PGPEP1L: variants seen among roughly 807,000 people sequenced by gnomAD.
PGPEP1L encodes pyroglutamyl-peptidase 1-like protein.
Under a neutral mutation model 6.0 loss-of-function variants are expected in PGPEP1L, and 7 were observed. The observed-to-expected ratio is 1.17, with a 90% CI of 0.66 to 2.19. The LOEUF is 2.19. Ranked by LOEUF, PGPEP1L falls within the 30% of genes most tolerant of loss-of-function variation. The pLI, the probability that PGPEP1L is intolerant of heterozygous loss-of-function variation, is 0.00. For synonymous variants in PGPEP1L, 103 were observed against 83.9 expected, an observed-to-expected ratio of 1.23 and a Z score of -1.24; for missense variants, 209 against 192.5, an observed-to-expected ratio of 1.09 and a Z score of -0.51.
chr15:98,994,095 G>A lies in PGPEP1L; in HGVS notation c.-142+11334C>T, dbSNP rs552307521. ...ATCCTGGCCAACATGGTGAAACCCC[G>A]TCTGTACTAAAAATGCAAAAATTAG... On this transcript the variant is annotated intron_variant, in intron 2 of 4. Transcript: ENST00000535714. 2.0e-3 allele frequency among the ~76,000 whole-genome samples: 305 copies of A among 151,568 alleles called. 1 individual carries two copies. The highest frequency in any genetic ancestry group is 6.9e-3 in the African/African-American group (287 of 41,310).
intron 2 of PGPEP1L, among the ~76,000 whole-genome samples, chr15:98,987,781 T>TA (rs1241476299): frequency 3.3e-5 from 5 of 152,158 alleles, no homozygotes; most frequent in Non-Finnish European, 2.9e-5. Flanking sequence ...CCAACTGAGG[T>TA]ACCCAGTTCA....
At chr15:98,979,389 G>A (rs2017622155) in intron 2 of PGPEP1L, among the ~76,000 whole-genome samples, 2 of 151,868 alleles carry the variant, frequency 1.3e-5, no homozygotes, top group African/African-American at 2.4e-5. Flanking sequence ...GGTAGGCGAT[G>A]AGTACAAGAA....
At chr15:98,999,267 C>A (rs1317194503) in intron 2 of PGPEP1L, among the ~76,000 whole-genome samples, 1 of 152,150 alleles carries the variant, frequency 6.6e-6, no homozygotes, top group Non-Finnish European at 1.5e-5. Flanking sequence ...AGCAGATGGG[C>A]AAACCACATG....
At chr15:98,979,633 C>T (rs4966051) in intron 2 of PGPEP1L, among the ~76,000 whole-genome samples, 2,321 of 46,420 alleles carry the variant, frequency 0.05, 301 homozygotes, top group Middle Eastern at 0.19. Flanking sequence ...GGAGACTATT[C>T]TTTTTTTTTT....
intron 2 of PGPEP1L, among the ~76,000 whole-genome samples, chr15:98,975,846 A>C (rs895953572): frequency 1.3e-5 from 2 of 152,192 alleles, no homozygotes; most frequent in African/African-American, 4.8e-5. Context: ...ACGCTACTGC[A>C]CTCCAGCTTG....
At chr15:98,978,759 C>A (rs1475646857) in intron 2 of PGPEP1L, among the ~76,000 whole-genome samples, 27 of 125,886 alleles carry the variant, frequency 2.1e-4, no homozygotes, top group African/African-American at 8.2e-4. Flanking sequence ...GAGGCACAGT[C>A]TTGCTCTGTC....
intron 2 of PGPEP1L, among the ~76,000 whole-genome samples, chr15:98,992,885 G>T (rs988001610): frequency 6.6e-6 from 1 of 152,200 alleles, no homozygotes; most frequent in Non-Finnish European, 1.5e-5. Context: ...GGGAAAACTG[G>T]CTAGCCATAT....
chr15:98,987,159 CCATCTCAAAAAAAAAAAAAAAAA>C (rs1231171112), intron 2 of PGPEP1L, among the ~76,000 whole-genome samples: 1 of 78,382 alleles, frequency 1.3e-5, no homozygotes, highest in Non-Finnish European at 2.0e-5. Flanking sequence ...GAGTGAGACT[CCATCTCAAAAAAAAAAAAAAAAA>C]AAAAAAAAAA....
rs539576833 is a variant in PGPEP1L, at chr15:98,981,325, C to T, written c.-141-10167G>A. ...GGCTAACACAGTGAAACCCCGTCTC[C>T]ACTAAAAATACAAAGTTAGCCGGGC... is the stretch of plus-strand genomic sequence containing the variant. On this transcript the variant is annotated intron_variant, in intron 2 of 4. Transcript: ENST00000535714. Among the ~76,000 whole-genome samples, 52 of 151,878 alleles carry T rather than the reference C, an allele frequency of 3.4e-4. No individual in the cohort carries two copies. In the South Asian group the frequency reaches 4.4e-3, roughly 13 times the overall value.
intron 2 of PGPEP1L, among the ~76,000 whole-genome samples, chr15:98,981,376 G>A (rs2017657726): frequency 6.6e-6 from 1 of 151,690 alleles, no homozygotes; most frequent in African/African-American, 2.4e-5. Flanking sequence ...TGTAGTCCCA[G>A]CTACTCGAGA....
chr15:99,002,389 G>A (rs1250523915), intron 2 of PGPEP1L, among the ~76,000 whole-genome samples: 1 of 152,270 alleles, frequency 6.6e-6, no homozygotes, highest in East Asian at 1.9e-4. Flanking sequence ...GGGTGGGTGT[G>A]GCTGTAAAGA....
At chr15:98,998,950 G>A (rs1266032047) in intron 2 of PGPEP1L, among the ~76,000 whole-genome samples, 1 of 152,094 alleles carries the variant, frequency 6.6e-6, no homozygotes, top group Admixed American at 6.5e-5. Flanking sequence ...ACTCCAGCCT[G>A]GGCGAAAGAG....
In PGPEP1L at chr15:98,968,585, CT is replaced by C; in HGVS notation, c.321del (p.Ala108ProfsTer2). Reference protein sequence around the residue: ...SRGLPASLLGRALRVIIQEML... With the variant: ...SRGLPASLLGXALRVIIQEML... Reference sequence around the variant, plus strand: ...ATTTCCTGGATGATGACTCTCAAGGCTCTTCCCAGCAGGCTGGCCGGGAGCC... The same window carrying C: ...ATTTCCTGGATGATGACTCTCAAGGCCTTCCCAGCAGGCTGGCCGGGAGCC... On this transcript the variant is annotated frameshift_variant, in exon 5 of 5. Transcript: ENST00000535714. LOFTEE classifies it low-confidence loss of function (END_TRUNC). 1.9e-6 allele frequency: 3 copies of C among 1,611,858 alleles called. No individual in the cohort carries two copies. The South Asian group carries it at 3.3e-5, about 18-fold the overall frequency.
intron 2 of PGPEP1L, among the ~76,000 whole-genome samples, chr15:98,987,203 A>G (rs1405404774): frequency 3.4e-5 from 5 of 147,054 alleles, no homozygotes; most frequent in African/African-American, 1.3e-4. Flanking sequence ...AAAGAGAGCC[A>G]ATTTAATTTT....
intron 1 of PGPEP1L, among the ~76,000 whole-genome samples, chr15:99,005,926 A>G (rs1428005321): frequency 2.6e-5 from 4 of 151,954 alleles, no homozygotes; most frequent in Non-Finnish European, 4.4e-5. Context: ...CTTAGATCTT[A>G]TTTTTTCCTC....
At chr15:98,987,530 C>G (rs906393075) in intron 2 of PGPEP1L, among the ~76,000 whole-genome samples, 1 of 152,180 alleles carries the variant, frequency 6.6e-6, no homozygotes, top group South Asian at 2.1e-4. Flanking sequence ...ATGGGGACAA[C>G]TACAGTGCCT....
chr15:98,992,003 T>C (rs2017825909), intron 2 of PGPEP1L, among the ~76,000 whole-genome samples: 1 of 152,156 alleles, frequency 6.6e-6, no homozygotes, highest in Admixed American at 6.5e-5. Context: ...TCATACTGAA[T>C]AGGCAAAAAC....
chr15:98,998,346 G>C (rs1056295568), intron 2 of PGPEP1L, among the ~76,000 whole-genome samples: 1 of 152,152 alleles, frequency 6.6e-6, no homozygotes, highest in Non-Finnish European at 1.5e-5. Flanking sequence ...TGCCAACCTG[G>C]GAGCATTCTC....
At chr15:98,987,754 A>T (rs2017767462) in intron 2 of PGPEP1L, among the ~76,000 whole-genome samples, 1 of 152,208 alleles carries the variant, frequency 6.6e-6, no homozygotes, top group South Asian at 2.1e-4. Context: ...ACCAGAAGGC[A>T]GGTGATTTCT....
Sources: gnomAD v4.1 joint callset for allele counts (sites outside exome capture counted in the v4.1 genomes callset) on GRCh38, gnomAD v4.1.1 for gene constraint, MANE v1.5 for transcripts, NCBI Gene and HGNC (gene_info 2026-07-23, HGNC 2026-07-21) for gene names.